The following PLXND1 variants were observed in gnomAD, a reference collection of about 807,000 sequenced individuals.
PLXND1 encodes the protein plexin D1.
PLXND1 carries 54 observed loss-of-function variants against 197.7 expected under a neutral mutation model. The ratio of observed to expected loss-of-function variants is 0.27; its 90% CI spans 0.22 to 0.34. PLXND1 has a LOEUF of 0.34. PLXND1 is among the 10% of genes least tolerant of loss of function. The pLI is 1.00. For missense variants in PLXND1, 2,127 were observed against 2,699.2 expected (o/e 0.79, Z 4.70); for synonymous variants, 1,180 against 1,161.2 (o/e 1.02, Z -0.33).
At chr3:129,566,049 A>C (rs765908701) in intron 23 of PLXND1, 32 bp from the exon 24 acceptor site, 1 of 1,612,546 alleles carries the variant, frequency 6.2e-7, no homozygotes, top group East Asian at 2.2e-5. Context: ...GGGTGTCCAG[A>C]GGGGCCCAGT....
chr3:129,599,141 C>T (rs1576282341), intron 1 of PLXND1, among the ~76,000 whole-genome samples: 1 of 152,214 alleles, frequency 6.6e-6, no homozygotes, highest in East Asian at 1.9e-4. Context: ...TCCCAGTACA[C>T]GCCACGCGTC....
intron 23 of PLXND1, chr3:129,566,235 G>A (rs2085138734): frequency 1.7e-6 from 1 of 602,740 alleles, no homozygotes; most frequent in Non-Finnish European, 2.9e-6. Context: ...AGGTAACCTG[G>A]CATCCCAGTG....
intron 8 of PLXND1, among the ~76,000 whole-genome samples, chr3:129,583,076 G>A (rs1191838834): frequency 1.3e-5 from 2 of 152,210 alleles, no homozygotes; most frequent in Non-Finnish European, 2.9e-5. Context: ...GGGAGAATAT[G>A]GGCTCCAGGG....
Position 129,584,124 on chromosome 3 carries a change from C to T in PLXND1, c.2138+1G>A, listed in dbSNP as rs1269747514. 10 of 1,552,390 alleles carry T rather than the reference C, an allele frequency of 6.4e-6. No individual in the cohort carries two copies. The highest frequency in any genetic ancestry group is 8.7e-6 in the Non-Finnish European group (10 of 1,145,086). On this transcript the variant is annotated splice_donor_variant, in intron 7 of 35. Transcript: ENST00000324093. LOFTEE classifies it high-confidence loss of function. Reference sequence around the variant, plus strand: ...GGAGGCAAGCCACCCAAGCCACTCACGCTGTGTGGGGGTACACTTGTGCAG... The same window carrying T: ...GGAGGCAAGCCACCCAAGCCACTCATGCTGTGTGGGGGTACACTTGTGCAG...
In PLXND1 at chr3:129,588,060, T is replaced by C. The variant is rs1018957471; in HGVS notation, c.1488+1291A>G. Among the ~76,000 whole-genome samples the C allele has an allele frequency of 2.0e-5, 3 of 152,242 alleles. No individual in the cohort carries two copies. The East Asian group carries it at 5.8e-4, about 29-fold the overall frequency. ...TGAGCAACTACTGTGCCCCAGGGCCTGTGCTGGGTGTGGCGATTTAAGGCC... is the reference window on the plus strand; with the variant it reads ...TGAGCAACTACTGTGCCCCAGGGCCCGTGCTGGGTGTGGCGATTTAAGGCC... On this transcript the variant is annotated intron_variant, in intron 2 of 35. Transcript: ENST00000324093.
Position 129,567,752 on chromosome 3 carries a change from T to C in PLXND1, c.3919A>G (p.Thr1307Ala). 1 of 1,613,600 alleles carries C rather than the reference T, an allele frequency of 6.2e-7. No homozygotes were observed. Among genetic ancestry groups the C allele is most frequent in the Non-Finnish European group, 8.5e-7 (1 of 1,179,520 alleles). ...SRRAERYWQK[T>A]LLQMEEMESQ... ...TCCATCTCCTCCATCTGCAGCAGCG[T>C]CTTCTGCCAGTAACGCTCAGCACGT... Residue 1307 changes from threonine to alanine, a missense_variant, in exon 21 of 36, where the codon ACG becomes GCG. By Grantham distance (58) the Thr-to-Ala change is moderately conservative. Around this residue, in one of 6 missense-constraint regions of PLXND1, gnomAD observed 532 missense variants for 811.0 expected, o/e 0.66. Coordinates refer to ENST00000324093, the MANE Select transcript of PLXND1 (RefSeq NM_015103.3).
In PLXND1 at chr3:129,572,864, G is replaced by A. The variant is rs898065802; in HGVS notation, c.2915C>T (p.Ser972Phe). The change falls in exon 14 of 36, where the codon TCC (serine) becomes TTC (phenylalanine). Residue 972 changes from serine (S) to phenylalanine (F), a missense_variant. Coordinates refer to ENST00000324093, the MANE Select transcript of PLXND1 (RefSeq NM_015103.3). ...TACCACGTAGGAGAAGCGGTCCCGG[G>A]ACTTGCCCTCCTTAGAGGCGTTCAC... ...VTVNASKEGK[S>F]RDRFSYVLPL... 2 of 1,613,910 alleles carry A rather than the reference G, an allele frequency of 1.2e-6. No individual in the cohort carries two copies. The highest frequency in any genetic ancestry group is 1.7e-6 in the Non-Finnish European group (2 of 1,179,904).
At chr3:129,571,012 C>T (rs772348577) in intron 18 of PLXND1, 28 bp downstream of exon 18, 56 of 1,612,864 alleles carry the variant, frequency 3.5e-5, no homozygotes, top group Non-Finnish European at 4.2e-5. Flanking sequence ...CGCTTGCCCC[C>T]GCCTACCCCG....
chr3:129,595,097 G>A (rs150854487), intron 1 of PLXND1, among the ~76,000 whole-genome samples: 24 of 151,722 alleles, frequency 1.6e-4, no homozygotes, highest in African/African-American at 4.6e-4. Context: ...GCTCCCCTGA[G>A]TGGAGCCCAT....
rs954683584 is a variant in PLXND1 at position 129,556,237 on chromosome 3, G to A, written c.*75C>T. Reference sequence around the variant, plus strand: ...ATTTCCCAGTCTGAGTCACAGGCACGGGGTAGAAGATCAAGTTGAGGCCCA... The same window carrying A: ...ATTTCCCAGTCTGAGTCACAGGCACAGGGTAGAAGATCAAGTTGAGGCCCA... On this transcript the variant is annotated 3_prime_UTR_variant, in exon 36 of 36. Transcript: ENST00000324093. 26 of 977,944 alleles carry A rather than the reference G, an allele frequency of 2.7e-5. No individual in the cohort carries two copies. Among genetic ancestry groups the A allele is most frequent in the Non-Finnish European group, 3.4e-5 (21 of 609,706 alleles). The allele number at this position is 977,944 out of a possible 1,614,324, so 60.6% of individuals were successfully genotyped here. A position where few individuals can be genotyped will look rare whatever the true frequency, so the allele number is the denominator to read the frequency against.
chr3:129,567,381 G>A, intron 22 of PLXND1, 111 bp downstream of exon 22: 1 of 679,222 alleles, frequency 1.5e-6, no homozygotes, highest in South Asian at 1.7e-5. Context: ...GCGGACAGCT[G>A]TGCAGGTTTG....
chr3:129,584,869 G>A (rs1199191461), intron 5 of PLXND1, among the ~76,000 whole-genome samples: 4 of 152,104 alleles, frequency 2.6e-5, no homozygotes, highest in Non-Finnish European at 5.9e-5. Context: ...CTACCTCAGG[G>A]CCTTTGCACT....
At chr3:129,568,033 G>A (rs74686484) in intron 20 of PLXND1, among the ~76,000 whole-genome samples, 4,253 of 152,010 alleles carry the variant, frequency 0.028, 193 homozygotes, top group African/African-American at 0.098. Flanking sequence ...CTGATGACCC[G>A]TCCTTAGAAA....
rs2085339701 is a variant in PLXND1 at position 129,578,180 on chromosome 3, A to G, written c.2346+149T>C. 3 of 658,744 alleles carry G rather than the reference A, an allele frequency of 4.6e-6. No individual in the cohort carries two copies. In the East Asian group the frequency reaches 8.2e-5, roughly 18 times the overall value. The allele number at this position is 658,744 out of a possible 1,614,324, so 40.8% of individuals were successfully genotyped here. A position where few individuals can be genotyped will look rare whatever the true frequency, so the allele number is the denominator to read the frequency against. ...TTCCTCATGCAGAAGGTGGAAACTC[A>G]GAGAAAGAAAAGCAAAGCCCACACA... On this transcript the variant is annotated intron_variant, in intron 9 of 35. Transcript: ENST00000324093.
rs897992040 is a variant in PLXND1, at chr3:129,605,745, G to A, written c.895C>T (p.Leu299=). ...PPPGAQSYAY[L]ALNSEARAGD... is the part of the protein sequence containing the mutation. ...GCGCGCGCCTCGCTGTTGAGCGCCA[G>A]GTACGCGTAGGACTGTGCACCCGGC... The change falls in exon 1 of 36, where the codon CTG becomes TTG. Residue 299 remains leucine (L), a synonymous_variant. Coordinates refer to ENST00000324093, the MANE Select transcript of PLXND1 (RefSeq NM_015103.3). 3 of 1,550,952 alleles carry A rather than the reference G, an allele frequency of 1.9e-6. No homozygotes were observed. In the African/African-American group the frequency reaches 4.1e-5, roughly 21 times the overall value.
At chr3:129,578,674 T>G (rs1216319438) in intron 8 of PLXND1, 3 of 511,340 alleles carry the variant, frequency 5.9e-6, no homozygotes, top group Non-Finnish European at 1.0e-5. Context: ...GCAGATGGCA[T>G]AACCCGCCCA....
chr3:129,596,600 C>T (rs749130029), intron 1 of PLXND1, among the ~76,000 whole-genome samples: 14 of 152,190 alleles, frequency 9.2e-5, no homozygotes, highest in Non-Finnish European at 1.3e-4. Context: ...AGCCCTGGAA[C>T]AGTTTCCCTC....
chr3:129,569,725 C>G (rs750949843), intron 20 of PLXND1, 118 bp downstream of exon 20: 4 of 666,960 alleles, frequency 6.0e-6, no homozygotes, highest in African/African-American at 3.5e-5. Flanking sequence ...CATGGCCAAG[C>G]CTTTGTTCAA....
chr3:129,571,210 G>C lies in PLXND1; in HGVS notation c.3430C>G (p.Arg1144Gly), dbSNP rs763027888. ...ACAGCCACCTCGTCTGCGTAGGCCC[G>C]CCCATTGATGAAGAAGTCCACTGGC... ...SAPVDFFING[R>G]AYADEVAVAE... The change falls in exon 18 of 36, where the codon CGG becomes GGG. Residue 1144 changes from arginine to glycine, a missense_variant. Around this residue, in one of 6 missense-constraint regions of PLXND1, gnomAD observed 532 missense variants for 811.0 expected, o/e 0.66. Coordinates refer to ENST00000324093, the MANE Select transcript of PLXND1 (RefSeq NM_015103.3). 6.2e-7 allele frequency: 1 copy of C among 1,614,142 alleles called. No individual in the cohort carries two copies. Among genetic ancestry groups the C allele is most frequent in the Admixed American group, 1.7e-5 (1 of 60,024 alleles).
Sources: gnomAD v4.1 joint callset for allele counts (sites outside exome capture counted in the v4.1 genomes callset) on GRCh38, gnomAD v4.1.1 for gene constraint, gnomAD v4.1.1 regional missense constraint, MANE v1.5 for transcripts, NCBI Gene and HGNC (gene_info 2026-07-23, HGNC 2026-07-21) for gene names.